Variants in GRM8 observed in about 807,000 individuals in gnomAD.
GRM8 encodes metabotropic glutamate receptor 8.
GRM8 carries 47 observed loss-of-function variants against 87.2 expected under a neutral mutation model. The observed-to-expected ratio is 0.54, with a 90% CI of 0.43 to 0.69. The LOEUF (loss-of-function observed/expected upper bound fraction) is 0.69. Ranked by LOEUF, GRM8 falls within the 30% of genes least tolerant of loss-of-function variation. The pLI is 0.00. For missense variants in GRM8, 1,019 were observed against 1,139.2 expected (o/e 0.89, Z 1.52); for synonymous variants, 396 against 404.5 (o/e 0.98, Z 0.25).
At chr7:126,457,730 A>T (rs1803415183) in intron 9 of GRM8, among the ~76,000 whole-genome samples, 1 of 151,272 alleles carries the variant, frequency 6.6e-6, no homozygotes, top group African/African-American at 2.4e-5. Context: ...ATTCATCTCA[A>T]AAAACTAAAG....
chr7:126,967,343 G>T lies in GRM8; in HGVS notation c.728-62660C>A, dbSNP rs765869295. ...ATGAAATTCTTCCACTTTTTACTTTGTTCATGTCAATTCAGAGACACCACT... is the reference window on the plus strand; with the variant it reads ...ATGAAATTCTTCCACTTTTTACTTTTTTCATGTCAATTCAGAGACACCACT... On this transcript the variant is annotated intron_variant, in intron 3 of 10. Transcript: ENST00000339582. 4.6e-4 allele frequency among the ~76,000 whole-genome samples: 70 copies of T among 152,180 alleles called. 1 individual carries two copies. Among genetic ancestry groups the T allele is most frequent in the Non-Finnish European group, 4.0e-4 (27 of 68,012 alleles).
chr7:126,588,906 G>A (rs1232430616), intron 8 of GRM8, among the ~76,000 whole-genome samples: 1 of 152,116 alleles, frequency 6.6e-6, no homozygotes, highest in Non-Finnish European at 1.5e-5. Flanking sequence ...CTAGAACTGA[G>A]ACAATTTAGA....
chr7:126,591,274 G>A (rs908509612), intron 8 of GRM8, among the ~76,000 whole-genome samples: 7 of 152,016 alleles, frequency 4.6e-5, no homozygotes, highest in African/African-American at 1.4e-4. Context: ...AGTTAAAAAA[G>A]ACAAAGAGGG....
intron 3 of GRM8, among the ~76,000 whole-genome samples, chr7:126,948,298 GA>G (rs975555542): frequency 1.3e-5 from 2 of 151,648 alleles, no homozygotes; most frequent in Non-Finnish European, 2.9e-5. Flanking sequence ...GCTGCATTTT[GA>G]AAAATAAGGA....
intron 3 of GRM8, among the ~76,000 whole-genome samples, chr7:126,997,886 T>G (rs977158492): frequency 1.3e-4 from 19 of 151,826 alleles, no homozygotes; most frequent in African/African-American, 4.6e-4. Flanking sequence ...TTACTCAAAC[T>G]ATTTCAAAAA....
rs1162958744 is a variant in GRM8, at chr7:126,602,000, C to T, written c.1494+7362G>A. ...GCTTTTGGTGTTTTGGACATGAAGT[C>T]CTTGCCCATGCCTATGTCCTGAATG... On this transcript the variant is annotated intron_variant, in intron 8 of 10. Transcript: ENST00000339582. 3.2e-3 allele frequency among the ~76,000 whole-genome samples: 382 copies of T among 120,454 alleles called. 4 individuals are homozygous for T. Among genetic ancestry groups the T allele is most frequent in the Middle Eastern group, 8.3e-3 (2 of 240 alleles). 79.0% of individuals were successfully genotyped at this position (120,454 alleles called of 152,430 possible).
intron 3 of GRM8, chr7:126,981,656 C>A (rs1200050529): frequency 2.0e-5 from 3 of 152,316 alleles, no homozygotes; most frequent in East Asian, 3.9e-4. Context: ...CTTCTCAATA[C>A]CGACACACTG....
chr7:126,513,610 C>T (rs184522515), intron 9 of GRM8, among the ~76,000 whole-genome samples: 1 of 152,254 alleles, frequency 6.6e-6, no homozygotes, highest in African/African-American at 2.4e-5. Context: ...GCTCTACTGT[C>T]TGTTATCATC....
intron 3 of GRM8, among the ~76,000 whole-genome samples, chr7:127,030,460 A>G (rs776416775): frequency 6.6e-6 from 1 of 152,110 alleles, no homozygotes; most frequent in African/African-American, 2.4e-5. Context: ...CTGGTCCTCA[A>G]CTTTGAGCCA....
intron 2 of GRM8, among the ~76,000 whole-genome samples, chr7:127,178,968 T>C (rs1794277317): frequency 6.6e-6 from 1 of 151,998 alleles, no homozygotes; most frequent in Non-Finnish European, 1.5e-5. Context: ...AATCAAAGCA[T>C]ACAGGCAATA....
chr7:126,519,399 G>C (rs1439098161), intron 9 of GRM8, among the ~76,000 whole-genome samples: 1 of 151,824 alleles, frequency 6.6e-6, no homozygotes, highest in East Asian at 1.9e-4. Flanking sequence ...TATTAATAAA[G>C]TTTGGAAAGT....
intron 7 of GRM8, among the ~76,000 whole-genome samples, chr7:126,619,388 TG>T (rs1265410346): frequency 3.3e-5 from 5 of 151,532 alleles, no homozygotes; most frequent in African/African-American, 1.2e-4. Context: ...GTGAGGGAAG[TG>T]GGGAGGGAAA....
At chr7:126,933,353 A>C (rs1805961238) in intron 3 of GRM8, among the ~76,000 whole-genome samples, 1 of 152,226 alleles carries the variant, frequency 6.6e-6, no homozygotes, top group Non-Finnish European at 1.5e-5. Flanking sequence ...AACATAGATT[A>C]AGGATTGGAT....
At chr7:127,222,004 T>C (rs1796962061) in intron 2 of GRM8, among the ~76,000 whole-genome samples, 1 of 152,190 alleles carries the variant, frequency 6.6e-6, no homozygotes, top group South Asian at 2.1e-4. Context: ...CCCTAAAATA[T>C]TTAGTCTTCG....
intron 10 of GRM8, among the ~76,000 whole-genome samples, chr7:126,444,546 A>G (rs544295240): frequency 1.2e-4 from 18 of 152,048 alleles, no homozygotes; most frequent in Non-Finnish European, 2.4e-4. Context: ...TTTAGAACCA[A>G]TCTGGCTAAT....
intron 3 of GRM8, among the ~76,000 whole-genome samples, chr7:127,079,313 G>A (rs568004505): frequency 9.9e-4 from 150 of 152,040 alleles, no homozygotes; most frequent in Admixed American, 4.6e-3. Flanking sequence ...GTAGAGTTGG[G>A]GTTTCACCAT....
chr7:127,095,427 G>A (rs1243068414), intron 3 of GRM8, among the ~76,000 whole-genome samples: 2 of 152,108 alleles, frequency 1.3e-5, no homozygotes, highest in African/African-American at 2.4e-5. Context: ...ATAGTGTCAG[G>A]TAAAGCCACA....
At chr7:126,956,246 T>C (rs1208027824) in intron 3 of GRM8, among the ~76,000 whole-genome samples, 2 of 152,206 alleles carry the variant, frequency 1.3e-5, no homozygotes, top group African/African-American at 2.4e-5. Flanking sequence ...CCTTTAATGT[T>C]TGAAGGTGTC....
chr7:126,796,194 G>A lies in GRM8; in HGVS notation c.1157-26129C>T, dbSNP rs148672797. Reference sequence around the variant, plus strand: ...ATTAATTAATATGAGAAAAGTACACGCCCATTTAAGCCTTTTTTATATAAT... The same window carrying A: ...ATTAATTAATATGAGAAAAGTACACACCCATTTAAGCCTTTTTTATATAAT... On this transcript the variant is annotated intron_variant, in intron 6 of 10. Transcript: ENST00000339582. Among the ~76,000 whole-genome samples the A allele has an allele frequency of 1.4e-3, 214 of 151,884 alleles. 1 individual carries two copies. The highest frequency in any genetic ancestry group is 4.8e-3 in the African/African-American group (201 of 41,450).
Sources: allele counts gnomAD v4.1 joint callset (sites outside exome capture counted in the v4.1 genomes callset), GRCh38; gene constraint gnomAD v4.1.1; transcripts MANE v1.5; gene names NCBI Gene and HGNC (gene_info 2026-07-23, HGNC 2026-07-21).